The following BMAL2 variants were observed in gnomAD, a reference collection of about 807,000 sequenced individuals.
The protein encoded by BMAL2 is basic helix-loop-helix ARNT like 2, also known as basic helix-loop-helix ARNT-like protein 2.
At chr12:27,352,611 G>A in the BMAL2 span, among the ~76,000 whole-genome samples, 38,040 of 152,108 alleles carry the variant, frequency 0.25, 4,949 homozygotes, top group East Asian at 0.34. Flanking sequence ...TCAGGCAAGA[G>A]AAAGAAAGAA....
the BMAL2 span, among the ~76,000 whole-genome samples, chr12:27,409,805 G>A: frequency 6.6e-6 from 1 of 152,036 alleles, no homozygotes; most frequent in Non-Finnish European, 1.5e-5. Context: ...GAGTGAACAG[G>A]CAACCTACAG....
the BMAL2 span, among the ~76,000 whole-genome samples, chr12:27,334,710 C>T: frequency 4.6e-5 from 7 of 152,120 alleles, no homozygotes; most frequent in African/African-American, 1.4e-4. Flanking sequence ...CTTTGCATAC[C>T]AAATGTAAAG....
At chr12:27,353,325 G>C in the BMAL2 span, among the ~76,000 whole-genome samples, 1 of 152,132 alleles carries the variant, frequency 6.6e-6, no homozygotes, top group South Asian at 2.1e-4. Flanking sequence ...AAACAATGGG[G>C]AAATGAGTCC....
At chr12:27,335,167 G>A in the BMAL2 span, among the ~76,000 whole-genome samples, 3 of 152,196 alleles carry the variant, frequency 2.0e-5, no homozygotes, top group South Asian at 4.1e-4. Context: ...CCAGTTGGTG[G>A]CCATCTACAA....
chr12:27,412,239 A>G, the BMAL2 span, among the ~76,000 whole-genome samples: 1 of 152,224 alleles, frequency 6.6e-6, no homozygotes, highest in Non-Finnish European at 1.5e-5. Flanking sequence ...TGTTCAGCAT[A>G]AAGTACAGAG....
chr12:27,349,720 A>G, the BMAL2 span, among the ~76,000 whole-genome samples: 1 of 152,134 alleles, frequency 6.6e-6, no homozygotes, highest in African/African-American at 2.4e-5. Flanking sequence ...AAATCCTTCA[A>G]CATTTATCTC....
At chr12:27,376,025 G>A in the BMAL2 span, among the ~76,000 whole-genome samples, 20 of 152,228 alleles carry the variant, frequency 1.3e-4, no homozygotes, top group South Asian at 2.9e-3. Context: ...TTAATTCTAT[G>A]AAAATCTTAT....
At chr12:27,397,352 G>A in the BMAL2 span, among the ~76,000 whole-genome samples, 1 of 152,220 alleles carries the variant, frequency 6.6e-6, no homozygotes, top group African/African-American at 2.4e-5. Context: ...TTATAGGCGT[G>A]AGCCACCACG....
the BMAL2 span, among the ~76,000 whole-genome samples, chr12:27,407,984 G>T: frequency 6.6e-6 from 1 of 152,076 alleles, no homozygotes; most frequent in South Asian, 2.1e-4. Flanking sequence ...AAATAAACTA[G>T]AAAATCTAGA....
chr12:27,398,223 C>G, the BMAL2 span, among the ~76,000 whole-genome samples: 1 of 152,186 alleles, frequency 6.6e-6, no homozygotes, highest in Non-Finnish European at 1.5e-5. Context: ...GAGACCTAGC[C>G]TGCAACATGT....
chr12:27,380,738 G>C, the BMAL2 span, among the ~76,000 whole-genome samples: 3 of 152,148 alleles, frequency 2.0e-5, no homozygotes, highest in Admixed American at 2.0e-4. Context: ...AGCTGGGCGT[G>C]GTGGCTCATG....
the BMAL2 span, chr12:27,394,765 G>A: frequency 6.6e-6 from 1 of 152,296 alleles, no homozygotes; most frequent in South Asian, 2.1e-4. Context: ...TGGGCCTTTG[G>A]GAGATAATTA....
the BMAL2 span, among the ~76,000 whole-genome samples, chr12:27,335,017 G>A: frequency 6.6e-6 from 1 of 152,194 alleles, no homozygotes; most frequent in East Asian, 1.9e-4. Flanking sequence ...ATGAGCAAGT[G>A]TGCTCACTTC....
At chr12:27,394,599 AT>A in the BMAL2 span, 9 of 152,206 alleles carry the variant, frequency 5.9e-5, no homozygotes, top group East Asian at 1.7e-3. Flanking sequence ...ATGAATGAAT[AT>A]ACATTATAAT....
chr12:27,378,673 T>C, the BMAL2 span, among the ~76,000 whole-genome samples: 1 of 152,178 alleles, frequency 6.6e-6, no homozygotes, highest in Non-Finnish European at 1.5e-5. Context: ...GCAGTGGAAA[T>C]GCAGTGAATA....
At chr12:27,401,354 C>T in the BMAL2 span, 2 of 1,613,358 alleles carry the variant, frequency 1.2e-6, no homozygotes, top group African/African-American at 2.7e-5. Context: ...GACTGACAAG[C>T]ACAAAGCAGG....
the BMAL2 span, among the ~76,000 whole-genome samples, chr12:27,420,019 G>GCGCGCACACACACACA: frequency 2.6e-4 from 38 of 147,570 alleles, no homozygotes; most frequent in African/African-American, 9.6e-4. Context: ...GTTTGCGCGT[G>GCGCGCACACACACACA]CACACACACA....
chr12:27,408,623 C>G, the BMAL2 span, among the ~76,000 whole-genome samples: 1 of 152,090 alleles, frequency 6.6e-6, no homozygotes, highest in Non-Finnish European at 1.5e-5. Flanking sequence ...TATGACAAAC[C>G]CATAGCCAAT....
chr12:27,348,855 C>T, the BMAL2 span, among the ~76,000 whole-genome samples: 1 of 151,524 alleles, frequency 6.6e-6, no homozygotes, highest in Non-Finnish European at 1.5e-5. Context: ...GTGAGGGAAA[C>T]CAATTAGTAA....
Sources: gnomAD v4.1 joint callset for allele counts (sites outside exome capture counted in the v4.1 genomes callset) on GRCh38, gnomAD v4.1.1 for gene constraint, MANE v1.5 for transcripts, NCBI Gene and HGNC (gene_info 2026-07-23, HGNC 2026-07-21) for gene names.